CDON: variants seen among roughly 807,000 people sequenced by gnomAD.
CDON encodes cell adhesion molecule-related/down-regulated by oncogenes.
CDON carries 73 observed loss-of-function variants against 120.9 expected under a neutral mutation model. The observed-to-expected ratio is 0.60, with a 90% CI of 0.50 to 0.73. CDON has a LOEUF of 0.73. Among genes scored for constraint, CDON ranks in the 30% least tolerant of loss-of-function variants. The pLI is 0.00. For synonymous variants in CDON, 566 were observed against 573.5 expected (o/e 0.99, Z 0.19); for missense variants, 1,470 against 1,587.3 (o/e 0.93, Z 1.26).
intron 15 of CDON, among the ~76,000 whole-genome samples, chr11:125,986,878 A>G (rs1283243954): frequency 9.5e-6 from 1 of 105,136 alleles, no homozygotes. Context: ...TTCAAGAGAA[A>G]AGAAGTCATC....
In CDON at chr11:125,956,821, T is replaced by C; in HGVS notation, c.*4121A>G. ...AAAATTGAGAAGCTTAAGAAGATTCTGTGGTTCTCACAGAGTTAGACTTTA... is the reference window on the plus strand; with the variant it reads ...AAAATTGAGAAGCTTAAGAAGATTCCGTGGTTCTCACAGAGTTAGACTTTA... On this transcript the variant is annotated 3_prime_UTR_variant, in exon 20 of 20. Coordinates refer to ENST00000531738, the MANE Select transcript of CDON (RefSeq NM_001378964.1). 3.0e-6 allele frequency: 3 copies of C among 988,498 alleles called. No individual in the cohort carries two copies. The highest frequency in any genetic ancestry group is 3.6e-6 in the Non-Finnish European group (3 of 831,942). 61.2% of individuals were successfully genotyped at this position (988,498 alleles called of 1,614,324 possible).
At chr11:126,025,947 C>T (rs1163029216) in intron 1 of CDON, among the ~76,000 whole-genome samples, 14 of 152,186 alleles carry the variant, frequency 9.2e-5, no homozygotes, top group Non-Finnish European at 1.5e-5. Flanking sequence ...GCTACCTCTA[C>T]ACCTGGGACA....
At chr11:125,989,809 T>G (rs369905927) in intron 14 of CDON, 50 bp from the exon 15 acceptor site, 1 of 1,554,648 alleles carries the variant, frequency 6.4e-7, no homozygotes, top group African/African-American at 1.4e-5. Flanking sequence ...TAAATGATAA[T>G]GTCAATATAA....
intron 14 of CDON, among the ~76,000 whole-genome samples, chr11:125,991,553 A>G (rs986140306): frequency 6.6e-6 from 1 of 152,150 alleles, no homozygotes; most frequent in Non-Finnish European, 1.5e-5. Context: ...AGAAAATAGG[A>G]TAGCTTAATT....
chr11:126,059,175 G>C (rs1435721908), intron 1 of CDON, among the ~76,000 whole-genome samples: 1 of 152,214 alleles, frequency 6.6e-6, no homozygotes, highest in African/African-American at 2.4e-5. Flanking sequence ...TTACAGGCAA[G>C]ACCAAACAGT....
intron 7 of CDON, among the ~76,000 whole-genome samples, chr11:126,012,597 C>A (rs562385502): frequency 6.8e-6 from 1 of 147,514 alleles, no homozygotes; most frequent in South Asian, 2.2e-4. Context: ...TTAGTAGAGA[C>A]GGGGTTTCAC....
rs1379474095 is a variant in CDON, at chr11:126,010,600, C to T, written c.1293G>A (p.Leu431=). The T allele has an allele frequency of 6.2e-7, 1 of 1,614,198 alleles. No individual in the cohort carries two copies. Among genetic ancestry groups the T allele is most frequent in the South Asian group, 1.1e-5 (1 of 91,086 alleles). ...FVTLSCNASG[L]PVPVIRWYDS... is the part of the protein sequence containing the mutation. ...CATACCAACGAATGACCGGAACCGG[C>T]AGCCCACTGGCATTGCAGGACAGAG... Residue 431 remains leucine (L), a synonymous_variant, in exon 8 of 20, where the codon CTG becomes CTA. Coordinates refer to ENST00000531738, the MANE Select transcript of CDON (RefSeq NM_001378964.1).
rs189561679 is a variant in CDON at position 125,996,756 on chromosome 11, T to C, written c.2362+451A>G. On this transcript the variant is annotated intron_variant, in intron 12 of 19. Coordinates refer to ENST00000531738, the MANE Select transcript of CDON (RefSeq NM_001378964.1). ...AAAAAATACAACGAAATATAAACAA[T>C]GATTATCTCTGAATGGGTGAATTTT... Among the ~76,000 whole-genome samples the C allele has an allele frequency of 5.0e-3, 685 of 138,160 alleles. 6 individuals carry two copies. The highest frequency in any genetic ancestry group is 0.018 in the African/African-American group (658 of 37,038). The allele number at this position is 138,160 out of a possible 152,430, so 90.6% of individuals were successfully genotyped here. A position where few individuals can be genotyped will look rare whatever the true frequency, so the allele number is the denominator to read the frequency against.
At chr11:126,050,992 T>G (rs1022415991) in intron 1 of CDON, among the ~76,000 whole-genome samples, 3 of 151,834 alleles carry the variant, frequency 2.0e-5, no homozygotes, top group African/African-American at 7.3e-5. Flanking sequence ...TACAAGCAAA[T>G]GGGGACTTCG....
At chr11:126,046,992 T>C (rs76036828) in intron 1 of CDON, among the ~76,000 whole-genome samples, 1,666 of 152,348 alleles carry the variant, frequency 0.011, 19 homozygotes, top group South Asian at 0.024. Flanking sequence ...TATTTAAGTA[T>C]ACATCTGAAA....
intron 1 of CDON, among the ~76,000 whole-genome samples, chr11:126,053,620 C>T (rs1046928584): frequency 6.6e-6 from 1 of 152,114 alleles, no homozygotes; most frequent in Non-Finnish European, 1.5e-5. Flanking sequence ...CATTCAGCCA[C>T]ATCATCATTT....
chr11:126,063,213 T>G (rs1948851845), upstream of CDON: 1 of 152,032 alleles, frequency 6.6e-6, no homozygotes, highest in South Asian at 2.1e-4. Context: ...CAGGTAAGGG[T>G]GAGTTGCCTT....
chr11:126,056,329 A>T (rs779958873), intron 1 of CDON, among the ~76,000 whole-genome samples: 1 of 152,176 alleles, frequency 6.6e-6, no homozygotes. Context: ...CCAACCCCCA[A>T]TGAAATCCTG....
At chr11:126,063,291 A>G (rs1295143837), upstream of CDON, 1 of 151,930 alleles carries the variant, frequency 6.6e-6, no homozygotes, top group African/African-American at 2.4e-5. Flanking sequence ...CCTTGGAGAG[A>G]CGGCTCTTCT....
At chr11:125,964,742 T>C (rs1173161396) in intron 18 of CDON, among the ~76,000 whole-genome samples, 1 of 152,174 alleles carries the variant, frequency 6.6e-6, no homozygotes, top group African/African-American at 2.4e-5. Context: ...TTGCACGTTC[T>C]AGCCAGAGAC....
intron 10 of CDON, 75 bp from the exon 11 acceptor site, chr11:126,001,925 A>G (rs1403284862): frequency 1.7e-5 from 18 of 1,067,562 alleles, no homozygotes; most frequent in Non-Finnish European, 1.9e-5. Context: ...AGTACTGTGA[A>G]ACTTACCTGG....
chr11:125,960,705 CA>C lies in CDON; in HGVS notation c.*236del. On this transcript the variant is annotated 3_prime_UTR_variant, in exon 20 of 20. Coordinates refer to ENST00000531738, the MANE Select transcript of CDON (RefSeq NM_001378964.1). ...GCCCTCCAGGTGACTGAATACTATGCAAAACAAGGTTGTTTCCTACCGAGGG... is the reference window on the plus strand; with the variant it reads ...GCCCTCCAGGTGACTGAATACTATGCAAACAAGGTTGTTTCCTACCGAGGG... 1.9e-6 allele frequency: 1 copy of C among 527,366 alleles called. No individual in the cohort carries two copies. Among genetic ancestry groups the C allele is most frequent in the African/African-American group, 1.9e-5 (1 of 52,268 alleles). The allele number at this position is 527,366 out of a possible 1,614,324, so 32.7% of individuals were successfully genotyped here.
intron 1 of CDON, among the ~76,000 whole-genome samples, chr11:126,046,049 C>A (rs1243847524): frequency 2.0e-5 from 3 of 152,064 alleles, no homozygotes; most frequent in Non-Finnish European, 2.9e-5. Flanking sequence ...AGAATATTAT[C>A]ATCTCAATTA....
At chr11:126,051,606 G>A (rs575171592) in intron 1 of CDON, among the ~76,000 whole-genome samples, 190 of 151,508 alleles carry the variant, frequency 1.3e-3, no homozygotes, top group African/African-American at 4.3e-3. Flanking sequence ...TAACAAATGC[G>A]AAATTATTGT....
Sources: allele counts gnomAD v4.1 joint callset (sites outside exome capture counted in the v4.1 genomes callset), GRCh38; gene constraint gnomAD v4.1.1; transcripts MANE v1.5; gene names NCBI Gene and HGNC (gene_info 2026-07-23, HGNC 2026-07-21).